Variants in TRIM36 observed in about 807,000 individuals in gnomAD.
The protein encoded by TRIM36 is E3 ubiquitin-protein ligase TRIM36.
In TRIM36, 42 loss-of-function variants were observed where a neutral mutation model predicts 72.4. That is an observed-to-expected ratio of 0.58 (90% confidence interval 0.45 to 0.75). The LOEUF (loss-of-function observed/expected upper bound fraction) is 0.75, where lower values mean the gene tolerates loss of function less well. Among genes scored for constraint, TRIM36 ranks in the 30% least tolerant of loss-of-function variants. The pLI, the probability that TRIM36 is intolerant of heterozygous loss-of-function variation, is 0.00. For missense variants in TRIM36, 913 were observed against 857.1 expected, an observed-to-expected ratio of 1.07 and a Z score of -0.81; for synonymous variants, 315 against 282.8, an observed-to-expected ratio of 1.11 and a Z score of -1.14.
At position 115,126,408 on chromosome 5, in the gene TRIM36, C is replaced by G. The variant is rs1752358867; in HGVS notation, c.*95G>C. The G allele has an allele frequency of 1.0e-6, 1 of 958,046 alleles. No homozygotes were observed. The highest frequency in any genetic ancestry group is 1.8e-5 in the South Asian group (1 of 54,156). The allele number at this position is 958,046 out of a possible 1,614,324, so 59.3% of individuals were successfully genotyped here. On this transcript the variant is annotated 3_prime_UTR_variant, in exon 10 of 10. Coordinates refer to ENST00000513154, the MANE Select transcript of TRIM36 (RefSeq NM_001300759.2). ...TCATACTCAAACACAAGTGGGGTGA[C>G]AGAACACTCAGCGATATGTAATTAG...
At position 115,130,908 on chromosome 5, in the gene TRIM36, TA is replaced by T. The variant is rs1561419144; in HGVS notation, c.1499-20del. ...CTGAAAACTAAATGGAGCTTAAAAT[TA>T]ATATCAGGCTAAAAATTATCATTGC... On this transcript the variant is annotated intron_variant, in intron 8 of 9. Transcript: ENST00000513154. 3 of 1,591,552 alleles carry T rather than the reference TA, an allele frequency of 1.9e-6. No individual in the cohort carries two copies. The highest frequency in any genetic ancestry group is 2.6e-6 in the Non-Finnish European group (3 of 1,168,722).
At chr5:115,176,806 T>C (rs926730526) in intron 1 of TRIM36, among the ~76,000 whole-genome samples, 1 of 152,174 alleles carries the variant, frequency 6.6e-6, no homozygotes, top group Non-Finnish European at 1.5e-5. Flanking sequence ...CCAAAGAGAT[T>C]AGCTGCAAAA....
chr5:115,146,898 C>G (rs3828653), intron 3 of TRIM36, among the ~76,000 whole-genome samples, 171 bp downstream of exon 3: 11,044 of 152,214 alleles, frequency 0.073, 838 homozygotes, highest in East Asian at 0.34. Flanking sequence ...TGTTTAGCCC[C>G]ATAGTAAGTA....
At chr5:115,178,063 G>A (rs1220794862) in intron 1 of TRIM36, among the ~76,000 whole-genome samples, 1 of 152,058 alleles carries the variant, frequency 6.6e-6, no homozygotes, top group Non-Finnish European at 1.5e-5. Context: ...TCCCCATTTC[G>A]TGTTCATAGG....
At chr5:115,167,265 T>C (rs1332425037) in intron 1 of TRIM36, among the ~76,000 whole-genome samples, 2 of 152,200 alleles carry the variant, frequency 1.3e-5, no homozygotes, top group African/African-American at 4.8e-5. Flanking sequence ...TCTTCATTAA[T>C]GCACCTGTTT....
At chr5:115,143,087 T>C (rs7726454) in intron 4 of TRIM36, among the ~76,000 whole-genome samples, 4,000 of 152,044 alleles carry the variant, frequency 0.026, 163 homozygotes, top group African/African-American at 0.091. Context: ...CCCATACATA[T>C]TCAGCAGTCC....
intron 4 of TRIM36, among the ~76,000 whole-genome samples, chr5:115,142,557 A>T (rs539667169): frequency 8.1e-4 from 123 of 152,166 alleles, no homozygotes; most frequent in Non-Finnish European, 1.2e-3. Context: ...AAAGCACCAC[A>T]CTCTCTGAGT....
intron 2 of TRIM36, among the ~76,000 whole-genome samples, chr5:115,155,598 T>G (rs1488015516): frequency 6.6e-6 from 1 of 152,192 alleles, no homozygotes; most frequent in Non-Finnish European, 1.5e-5. Flanking sequence ...AAAAAAGCAT[T>G]TGACAAAATC....
intron 2 of TRIM36, among the ~76,000 whole-genome samples, chr5:115,153,141 A>T (rs2112869225): frequency 6.6e-6 from 1 of 152,300 alleles, no homozygotes; most frequent in South Asian, 2.1e-4. Flanking sequence ...CCTTCAAGAG[A>T]CTCACCTAAC....
intron 1 of TRIM36, among the ~76,000 whole-genome samples, chr5:115,176,669 A>T (rs1755353679): frequency 6.6e-6 from 1 of 152,228 alleles, no homozygotes; most frequent in African/African-American, 2.4e-5. Flanking sequence ...AATCTTCATT[A>T]TATGATTCCA....
chr5:115,170,474 G>T (rs1047424127), upstream of TRIM36, among the ~76,000 whole-genome samples: 4 of 152,166 alleles, frequency 2.6e-5, no homozygotes, highest in Admixed American at 6.5e-5. Flanking sequence ...TGCGCGAGGC[G>T]ACCAGAGTGA....
At chr5:115,167,158 A>T (rs1754824969) in intron 1 of TRIM36, among the ~76,000 whole-genome samples, 1 of 152,150 alleles carries the variant, frequency 6.6e-6, no homozygotes, top group African/African-American at 2.4e-5. Context: ...CACCCTAAGG[A>T]TCCTGTGATA....
At position 115,169,747 on chromosome 5, in the gene TRIM36, GA is replaced by G; in HGVS notation, c.-114del. The G allele has an allele frequency of 7.0e-7, 1 of 1,431,482 alleles. No individual in the cohort carries two copies. The highest frequency in any genetic ancestry group is 9.2e-7 in the Non-Finnish European group (1 of 1,083,272). The allele number at this position is 1,431,482 out of a possible 1,614,324, so 88.7% of individuals were successfully genotyped here. A position where few individuals can be genotyped will look rare whatever the true frequency, so the allele number is the denominator to read the frequency against. ...GCCGTGGAGCCTCGGTCCGAAGCTGGAAGATGAGCTGGTCAGCTGTACGTGG... is the reference window on the plus strand; with the variant it reads ...GCCGTGGAGCCTCGGTCCGAAGCTGGAGATGAGCTGGTCAGCTGTACGTGG... On this transcript the variant is annotated 5_prime_UTR_variant, in exon 1 of 10. Transcript: ENST00000513154.
At chr5:115,163,043 C>T (rs191287614) in intron 2 of TRIM36, among the ~76,000 whole-genome samples, 235 of 151,832 alleles carry the variant, frequency 1.5e-3, no homozygotes, top group Non-Finnish European at 2.2e-3. Flanking sequence ...CTGCAACCTC[C>T]GCCTCCCAGG....
Position 115,139,368 on chromosome 5 carries a change from G to A in TRIM36, c.832-1752C>T, listed in dbSNP as rs569509876. On this transcript the variant is annotated intron_variant, in intron 5 of 9. Transcript: ENST00000513154. ...GAACTCCTGACCTTGTGATCCGCCCGCCTCGGCCTCCCAAAGTGCTGAGAT... is the reference window on the plus strand; with the variant it reads ...GAACTCCTGACCTTGTGATCCGCCCACCTCGGCCTCCCAAAGTGCTGAGAT... Among the ~76,000 whole-genome samples, 131 of 152,194 alleles carry A rather than the reference G, an allele frequency of 8.6e-4. 1 individual carries two copies. In the Middle Eastern group the frequency reaches 0.01, roughly 12 times the overall value.
At chr5:115,165,520 C>T (rs1448424852) in intron 1 of TRIM36, among the ~76,000 whole-genome samples, 1 of 152,204 alleles carries the variant, frequency 6.6e-6, no homozygotes, top group Non-Finnish European at 1.5e-5. Flanking sequence ...TGTACCTTGG[C>T]CCCTTTTAGC....
chr5:115,140,173 G>A (rs190668086), intron 5 of TRIM36, among the ~76,000 whole-genome samples: 61 of 152,198 alleles, frequency 4.0e-4, no homozygotes, highest in Non-Finnish European at 8.2e-4. Context: ...GTTAATTTTC[G>A]TGATTTCTCA....
chr5:115,155,041 T>G (rs1166272165), intron 2 of TRIM36, among the ~76,000 whole-genome samples: 2 of 151,540 alleles, frequency 1.3e-5, no homozygotes, highest in African/African-American at 4.9e-5. Flanking sequence ...AAAAAAAAAT[T>G]AGCCGGGCAT....
intron 2 of TRIM36, among the ~76,000 whole-genome samples, chr5:115,161,122 C>T (rs1159015965): frequency 1.3e-5 from 2 of 151,632 alleles, no homozygotes; most frequent in Admixed American, 6.6e-5. Context: ...TGTGTGTGTT[C>T]GTGATAAAGG....
Sources: gnomAD v4.1 joint callset for allele counts (sites outside exome capture counted in the v4.1 genomes callset) on GRCh38, gnomAD v4.1.1 for gene constraint, MANE v1.5 for transcripts, NCBI Gene and HGNC (gene_info 2026-07-23, HGNC 2026-07-21) for gene names.